Variants in LHX4 observed in about 807,000 individuals in gnomAD.
LHX4 encodes LIM homeobox 4.
A neutral mutation model predicts 39.2 loss-of-function variants in LHX4; 16 were observed. The ratio of observed to expected loss-of-function variants is 0.41; its 90% CI spans 0.28 to 0.62. LHX4 has a LOEUF of 0.62. LHX4 is among the 20% of genes least tolerant of loss of function. The pLI is 0.33. For missense variants in LHX4, 439 were observed against 511.9 expected (o/e 0.86, Z 1.37); for synonymous variants, 206 against 198.1 (o/e 1.04, Z -0.33).
rs2149266476 is a variant in LHX4 at position 180,271,552 on chromosome 1, C to T, written c.606+18C>T. On this transcript the variant is annotated intron_variant, in intron 4 of 5. Coordinates refer to ENST00000263726, the MANE Select transcript of LHX4 (RefSeq NM_033343.4). Reference sequence around the variant, plus strand: ...TCGTACAGGTGAGATGCCAGCACTCCTGTGCCCTCCGGGGATCCCAGGCCC... The same window carrying T: ...TCGTACAGGTGAGATGCCAGCACTCTTGTGCCCTCCGGGGATCCCAGGCCC... 6.2e-7 allele frequency: 1 copy of T among 1,613,826 alleles called. No homozygotes were observed. Among genetic ancestry groups the T allele is most frequent in the Admixed American group, 1.7e-5 (1 of 60,018 alleles).
intron 2 of LHX4, among the ~76,000 whole-genome samples, chr1:180,258,695 G>A (rs946331362): frequency 4.6e-5 from 7 of 152,082 alleles, no homozygotes; most frequent in Admixed American, 1.3e-4. Context: ...TCTCACCTAC[G>A]CAGGAGGCTG....
In LHX4 at chr1:180,230,963, C is replaced by T. The variant is rs1176485288; in HGVS notation, c.76+358C>T. On this transcript the variant is annotated intron_variant, in intron 1 of 5. Coordinates refer to ENST00000263726, the MANE Select transcript of LHX4 (RefSeq NM_033343.4). This position sits in a 1 kb window ranked among gnomAD's most constrained non-coding sequence, Gnocchi z 5.8. ...AGGGTGGTCCCCACAAATCTTCTTT[C>T]GCCGGCGTGACGGTCAGCGCTTGCA... Among the ~76,000 whole-genome samples the T allele has an allele frequency of 1.3e-5, 2 of 152,176 alleles. No homozygotes were observed. Among genetic ancestry groups the T allele is most frequent in the Admixed American group, 1.3e-4 (2 of 15,284 alleles).
intron 2 of LHX4, 79 bp downstream of exon 2, chr1:180,248,535 G>C (rs1329165901): frequency 8.0e-6 from 12 of 1,508,504 alleles, no homozygotes; most frequent in South Asian, 1.1e-5. Context: ...TTTGCAGCAG[G>C]GTAGGCCAGG....
intron 2 of LHX4, among the ~76,000 whole-genome samples, chr1:180,252,192 T>C (rs1158591072): frequency 3.3e-5 from 5 of 152,188 alleles, no homozygotes; most frequent in African/African-American, 1.2e-4. Flanking sequence ...CAGGCACCTC[T>C]TTCAGAGGGC....
intron 2 of LHX4, among the ~76,000 whole-genome samples, chr1:180,262,189 C>T (rs138073008): frequency 6.6e-5 from 10 of 151,512 alleles, no homozygotes; most frequent in African/African-American, 2.4e-4. Flanking sequence ...TGCTGTAGCA[C>T]TGCCCTTCAT....
chr1:180,266,505 A>G lies in LHX4; in HGVS notation c.362A>G (p.Asn121Ser). Residue 121 changes from asparagine to serine, a missense_variant, in exon 3 of 6, where the codon AAC becomes AGC. Physicochemically the swap from Asn to Ser is conservative, Grantham distance 46 (BLOSUM62 1). Transcript: ENST00000263726. This position sits in a 1 kb window ranked among gnomAD's most constrained non-coding sequence, Gnocchi z 5.7. ...CACTGCTTTGCTTGCATCATCTGCA[A>G]CCGGCAGCTGGCCACGGGGGACGAA... ...HLHCFACIIC[N>S]RQLATGDEFY... 1.2e-6 allele frequency: 2 copies of G among 1,614,214 alleles called. No individual in the cohort carries two copies. Among genetic ancestry groups the G allele is most frequent in the African/African-American group, 1.3e-5 (1 of 75,046 alleles).
chr1:180,239,514 T>C (rs1664401719), intron 1 of LHX4, among the ~76,000 whole-genome samples: 2 of 152,228 alleles, frequency 1.3e-5, no homozygotes, highest in African/African-American at 4.8e-5. Context: ...AAATACATAT[T>C]GGCCAAATGT....
chr1:180,228,950 C>T (rs1327762729), upstream of LHX4, among the ~76,000 whole-genome samples: 1 of 151,200 alleles, frequency 6.6e-6, no homozygotes, highest in African/African-American at 2.5e-5. Context: ...GCCGTGGGGG[C>T]TGGGGGCAGG....
intron 1 of LHX4, among the ~76,000 whole-genome samples, chr1:180,240,502 T>C (rs1224960308): frequency 2.0e-5 from 3 of 152,250 alleles, no homozygotes; most frequent in African/African-American, 7.2e-5. Flanking sequence ...TTAGTCTCTT[T>C]AGTGGAATTT....
chr1:180,241,686 G>C (rs550802466), intron 1 of LHX4, among the ~76,000 whole-genome samples: 2 of 152,240 alleles, frequency 1.3e-5, no homozygotes, highest in East Asian at 3.9e-4. Context: ...ACTAGATCTG[G>C]GATTTATTGG....
intron 4 of LHX4, 29 bp from the exon 5 acceptor site, chr1:180,271,806 T>G (rs1025933462): frequency 1.2e-6 from 2 of 1,613,194 alleles, no homozygotes; most frequent in Non-Finnish European, 1.7e-6. Flanking sequence ...GGACGCCCCC[T>G]GAGTATGTCC....
At chr1:180,229,425 CG>C (rs1211072276), upstream of LHX4, among the ~76,000 whole-genome samples, 3 of 152,080 alleles carry the variant, frequency 2.0e-5, no homozygotes, top group Non-Finnish European at 2.9e-5. Context: ...GGGACGCGCG[CG>C]GGGGGCCTGC....
chr1:180,264,378 A>AACACACAC (rs10561933), intron 2 of LHX4, among the ~76,000 whole-genome samples: 2,210 of 145,384 alleles, frequency 0.015, 34 homozygotes, highest in African/African-American at 0.025. Context: ...ACACACACAT[A>AACACACAC]ACACACACAC....
At position 180,230,651 on chromosome 1, in the gene LHX4, T is replaced by A. The variant is rs1664155301; in HGVS notation, c.76+46T>A. ...GCTGATTTAATTCTAACAAGACAGC[T>A]AGCAGCCTCAGCCGCTGCGGGGCGG... On this transcript the variant is annotated intron_variant, in intron 1 of 5. Coordinates refer to ENST00000263726, the MANE Select transcript of LHX4 (RefSeq NM_033343.4). The surrounding 1 kb of genome is among the most constrained non-coding windows in gnomAD (Gnocchi z 5.8). 1 of 1,551,250 alleles carries A rather than the reference T, an allele frequency of 6.4e-7. No homozygotes were observed. Among genetic ancestry groups the A allele is most frequent in the Non-Finnish European group, 8.9e-7 (1 of 1,125,454 alleles).
chr1:180,246,709 TCAAAA>T (rs970451678), intron 1 of LHX4, among the ~76,000 whole-genome samples: 8 of 152,164 alleles, frequency 5.3e-5, no homozygotes, highest in Non-Finnish European at 1.0e-4. Flanking sequence ...AGACTCTGTC[TCAAAA>T]CAAAACAAAA....
chr1:180,271,649 C>A, intron 4 of LHX4, 115 bp downstream of exon 4: 5 of 1,426,768 alleles, frequency 3.5e-6, no homozygotes, highest in Non-Finnish European at 4.9e-6. Flanking sequence ...GACCCCAGGG[C>A]TTTTGCCAGA....
chr1:180,248,632 G>T, intron 2 of LHX4, 176 bp downstream of exon 2: 1 of 702,972 alleles, frequency 1.4e-6, no homozygotes, highest in Non-Finnish European at 2.5e-6. Context: ...CTGATCACTG[G>T]CCCATCACTG....
rs528403736 is a variant in LHX4 at position 180,267,657 on chromosome 1, C to A, written c.451+1063C>A. Reference sequence around the variant, plus strand: ...CTTGGCCTTTGACTAGAATTTTGATCAACTCAGGGTGTTACTGTGCAAAAA... The same window carrying A: ...CTTGGCCTTTGACTAGAATTTTGATAAACTCAGGGTGTTACTGTGCAAAAA... On this transcript the variant is annotated intron_variant, in intron 3 of 5. Transcript: ENST00000263726. Among the ~76,000 whole-genome samples, 20 of 152,318 alleles carry A rather than the reference C, an allele frequency of 1.3e-4. No individual in the cohort carries two copies. In the South Asian group the frequency reaches 3.5e-3, roughly 27 times the overall value.
At chr1:180,268,306 C>G (rs1648419973) in intron 3 of LHX4, among the ~76,000 whole-genome samples, 1 of 152,218 alleles carries the variant, frequency 6.6e-6, no homozygotes. Context: ...CATTTGGACT[C>G]TGAGCACTCT....
Sources: gnomAD v4.1 joint callset for allele counts (sites outside exome capture counted in the v4.1 genomes callset) on GRCh38, gnomAD v4.1.1 for gene constraint, Gnocchi (gnomAD v3.1) non-coding constraint, MANE v1.5 for transcripts, NCBI Gene and HGNC (gene_info 2026-07-23, HGNC 2026-07-21) for gene names.